C11orf54: variants seen among roughly 807,000 people sequenced by gnomAD.
C11orf54 encodes the protein beta-keto-L-gulonate decarboxylase.
C11orf54 carries 29 observed loss-of-function variants against 35.5 expected under a neutral mutation model. That is an observed-to-expected ratio of 0.82 (90% CI 0.61 to 1.11). The LOEUF (loss-of-function observed/expected upper bound fraction) is 1.11, where lower values mean the gene tolerates loss of function less well. Ranked by LOEUF, C11orf54 falls within the 50% of genes most tolerant of loss-of-function variation. C11orf54 has a pLI of 0.00. For synonymous variants in C11orf54, 108 were observed against 121.1 expected (o/e 0.89, Z 0.71); for missense variants, 373 against 369.2 (o/e 1.01, Z -0.08).
intron 1 of C11orf54, 102 bp from the exon 2 acceptor site, chr11:93,747,195 A>C (rs1942517068): frequency 5.2e-6 from 2 of 384,478 alleles, no homozygotes; most frequent in Admixed American, 4.5e-5. Flanking sequence ...TCTCACTTGG[A>C]ATATTAAATG....
chr11:93,753,777 A>G, intron 4 of C11orf54, 22 bp downstream of exon 4: 1 of 1,607,552 alleles, frequency 6.2e-7, no homozygotes, highest in Non-Finnish European at 8.5e-7. Flanking sequence ...TACTCTGCAT[A>G]TTCACATGAA....
chr11:93,756,729 G>T (rs1280295466), intron 6 of C11orf54, among the ~76,000 whole-genome samples: 1 of 152,128 alleles, frequency 6.6e-6, no homozygotes, highest in East Asian at 1.9e-4. Flanking sequence ...GAAAACTAAT[G>T]CCTTACTTGA....
intron 5 of C11orf54, chr11:93,754,972 C>T (rs7117456): frequency 0.058 from 18,968 of 325,778 alleles, 699 homozygotes; most frequent in Middle Eastern, 0.078. Context: ...CTCTTGACCT[C>T]GTGATCCGCC....
intron 3 of C11orf54, among the ~76,000 whole-genome samples, chr11:93,750,945 A>G (rs1282917629): frequency 6.6e-6 from 1 of 152,200 alleles, no homozygotes; most frequent in Non-Finnish European, 1.5e-5. Flanking sequence ...TAGTTAGTTG[A>G]TGTTTCAGTT....
intron 7 of C11orf54, among the ~76,000 whole-genome samples, chr11:93,759,155 C>G (rs1943323498): frequency 1.3e-5 from 2 of 152,210 alleles, no homozygotes. Context: ...AATCCCATTA[C>G]TGGGCATATA....
chr11:93,757,455 C>A lies in C11orf54; in HGVS notation c.647C>A (p.Ser216Tyr). 6.3e-7 allele frequency: 1 copy of A among 1,597,634 alleles called. No individual in the cohort carries two copies. The highest frequency in any genetic ancestry group is 1.1e-5 in the South Asian group (1 of 91,024). ...TFIIQKGKVK[S>Y]HIMPAEFSSC... ...ATAATTCAGAAGGGAAAAGTGAAGT[C>A]TCACATTATGGTAAGAGCCCATGTG... Residue 216 changes from serine to tyrosine, a missense_variant, in exon 7 of 9, where the codon TCT (serine) becomes TAT (tyrosine). Transcript: ENST00000354421.
At chr11:93,754,065 CTT>C (rs754472388) in intron 5 of C11orf54, 28 bp downstream of exon 5, 2 of 1,576,184 alleles carry the variant, frequency 1.3e-6, no homozygotes, top group South Asian at 2.3e-5. Flanking sequence ...AATTATTTTA[CTT>C]TATTGGTTTG....
rs1471391170 is a variant in C11orf54, at chr11:93,763,772, T to A, written c.*2084T>A. On this transcript the variant is annotated 3_prime_UTR_variant, in exon 9 of 9. Coordinates refer to ENST00000354421, the MANE Select transcript of C11orf54 (RefSeq NM_001286069.2). ...CCCTGTCTCAAAAAGAAAAAAAAAA[T>A]GACTGATGAAGCCACACACACACCA... is the stretch of plus-strand genomic sequence containing the variant. 2 of 151,170 alleles carry A rather than the reference T, an allele frequency of 1.3e-5. No homozygotes were observed. Among genetic ancestry groups the A allele is most frequent in the African/African-American group, 4.9e-5 (2 of 41,008 alleles). The allele number at this position is 151,170 out of a possible 1,614,324, so 9.4% of individuals were successfully genotyped here. A position where few individuals can be genotyped will look rare whatever the true frequency, so the allele number is the denominator to read the frequency against.
At chr11:93,755,081 G>A (rs1436988615) in intron 5 of C11orf54, 129 bp from the exon 6 acceptor site, 4 of 938,742 alleles carry the variant, frequency 4.3e-6, no homozygotes, top group Middle Eastern at 3.1e-4. Context: ...TAAATATTAT[G>A]TATTTTATGT....
At chr11:93,746,706 C>T (rs1216987316) in intron 1 of C11orf54, 1 of 152,056 alleles carries the variant, frequency 6.6e-6, no homozygotes, top group African/African-American at 2.4e-5. Context: ...ATAAAAGTTT[C>T]CATTTCTATT....
At chr11:93,751,973 A>G (rs969561723) in intron 3 of C11orf54, among the ~76,000 whole-genome samples, 1 of 151,478 alleles carries the variant, frequency 6.6e-6, no homozygotes, top group African/African-American at 2.4e-5. Context: ...CACCCTCCCA[A>G]GTAGCTAGGA....
intron 8 of C11orf54, among the ~76,000 whole-genome samples, chr11:93,760,947 C>T (rs1943433693): frequency 6.6e-6 from 1 of 152,192 alleles, no homozygotes; most frequent in African/African-American, 2.4e-5. Flanking sequence ...GCATGAGCTA[C>T]TCCGCCTACC....
At chr11:93,748,692 T>C (rs1942625440) in intron 2 of C11orf54, among the ~76,000 whole-genome samples, 1 of 151,102 alleles carries the variant, frequency 6.6e-6, no homozygotes, top group Non-Finnish European at 1.5e-5. Context: ...AAAAATTAGC[T>C]GAGTGTGGTG....
At chr11:93,757,845 A>G (rs1272290576) in intron 7 of C11orf54, among the ~76,000 whole-genome samples, 1 of 152,174 alleles carries the variant, frequency 6.6e-6, no homozygotes, top group Non-Finnish European at 1.5e-5. Flanking sequence ...TAGGATTGTA[A>G]AGTATGTGTT....
At chr11:93,757,823 C>T (rs1943235077) in intron 7 of C11orf54, among the ~76,000 whole-genome samples, 2 of 152,128 alleles carry the variant, frequency 1.3e-5, no homozygotes, top group African/African-American at 4.8e-5. Context: ...GACGCTGCAC[C>T]GGGCCAGATC....
intron 7 of C11orf54, among the ~76,000 whole-genome samples, chr11:93,758,979 G>A (rs1482958193): frequency 1.3e-5 from 2 of 152,210 alleles, no homozygotes; most frequent in Admixed American, 6.5e-5. Flanking sequence ...CTCCAGCCTG[G>A]GTGACAGAGC....
At chr11:93,750,131 A>G (rs1266035771) in intron 2 of C11orf54, among the ~76,000 whole-genome samples, 2 of 152,232 alleles carry the variant, frequency 1.3e-5, no homozygotes, top group Non-Finnish European at 2.9e-5. Flanking sequence ...ACAGTTGAAA[A>G]TCACTGTAGA....
intron 8 of C11orf54, 35 bp downstream of exon 8, chr11:93,759,893 A>G: frequency 8.3e-7 from 1 of 1,206,572 alleles, no homozygotes; most frequent in Non-Finnish European, 1.2e-6. Context: ...TTATACTACA[A>G]TGATAATGCT....
intron 2 of C11orf54, 50 bp from the exon 3 acceptor site, chr11:93,750,296 A>C: frequency 1.3e-6 from 2 of 1,490,118 alleles, no homozygotes; most frequent in Non-Finnish European, 1.9e-6. Flanking sequence ...GATACGTGGT[A>C]GCCAAGTTTT....
Sources: allele counts gnomAD v4.1 joint callset (sites outside exome capture counted in the v4.1 genomes callset), GRCh38; gene constraint gnomAD v4.1.1; transcripts MANE v1.5; gene names NCBI Gene and HGNC (gene_info 2026-07-23, HGNC 2026-07-21).